The following MYO3B variants were observed in gnomAD, a reference collection of about 807,000 sequenced individuals.
MYO3B encodes the protein myosin IIIB, also known as myosin-IIIb.
In MYO3B, 156 loss-of-function variants were observed where a neutral mutation model predicts 174.6. The ratio of observed to expected loss-of-function variants is 0.89; its 90% CI spans 0.78 to 1.02. MYO3B has a LOEUF of 1.02. Ranked by LOEUF, MYO3B falls within the 50% of genes least tolerant of loss-of-function variation. The pLI, the probability that MYO3B is intolerant of heterozygous loss-of-function variation, is 0.00. For missense variants in MYO3B, 1,632 were observed against 1,639.4 expected (o/e 1.00, Z 0.08); for synonymous variants, 563 against 569.1 (o/e 0.99, Z 0.15).
intron 9 of MYO3B, among the ~76,000 whole-genome samples, chr2:170,376,355 C>T (rs1179331375): frequency 6.6e-6 from 1 of 152,130 alleles, no homozygotes; most frequent in Non-Finnish European, 1.5e-5. Flanking sequence ...CTTTCATTGG[C>T]TCTGTTATCA....
chr2:170,270,735 G>A (rs769284974), intron 7 of MYO3B, among the ~76,000 whole-genome samples: 2 of 152,178 alleles, frequency 1.3e-5, no homozygotes, highest in Non-Finnish European at 2.9e-5. Context: ...AGGAGAGGAC[G>A]TAGCAGGGTT....
At chr2:170,300,216 G>A (rs2093657110) in intron 7 of MYO3B, among the ~76,000 whole-genome samples, 1 of 152,168 alleles carries the variant, frequency 6.6e-6, no homozygotes, top group Non-Finnish European at 1.5e-5. Flanking sequence ...CCAAAGAAAT[G>A]TGAGTGGAAA....
At chr2:170,538,663 A>G (rs1211297624) in intron 30 of MYO3B, among the ~76,000 whole-genome samples, 1 of 152,216 alleles carries the variant, frequency 6.6e-6, no homozygotes, top group Non-Finnish European at 1.5e-5. Context: ...TTCAGGACAG[A>G]TGCCCAGCAG....
At position 170,646,233 on chromosome 2, in the gene MYO3B, C is replaced by T. The variant is rs1171466359; in HGVS notation, c.3734-5395C>T. ...TTGCGGTGAGCCGAGATCACGCCAT[C>T]GCACTCCAGCCTGGGCAAGAAGAGC... On this transcript the variant is annotated intron_variant, in intron 32 of 34. Coordinates refer to ENST00000408978, the MANE Select transcript of MYO3B (RefSeq NM_138995.5). 6.7e-5 allele frequency among the ~76,000 whole-genome samples: 10 copies of T among 149,762 alleles called. No homozygotes were observed. In the East Asian group the frequency reaches 1.6e-3, roughly 24 times the overall value.
intron 6 of MYO3B, among the ~76,000 whole-genome samples, chr2:170,222,672 C>T (rs1253178496): frequency 3.9e-5 from 6 of 152,178 alleles, no homozygotes; most frequent in East Asian, 1.9e-4. Flanking sequence ...AGTATGACCT[C>T]ATCTGAATTC....
intron 22 of MYO3B, among the ~76,000 whole-genome samples, chr2:170,409,820 T>C (rs771928083): frequency 6.6e-6 from 1 of 152,242 alleles, no homozygotes; most frequent in Non-Finnish European, 1.5e-5. Context: ...CTTATGACAA[T>C]AGTTGCCCTC....
chr2:170,648,671 A>ATATAATATATAT (rs1698575383), intron 32 of MYO3B, among the ~76,000 whole-genome samples: 1 of 102,630 alleles, frequency 9.7e-6, no homozygotes, highest in Non-Finnish European at 2.0e-5. Flanking sequence ...ATTATATTCT[A>ATATAATATATAT]TATAATATAT....
intron 32 of MYO3B, among the ~76,000 whole-genome samples, chr2:170,611,293 A>T (rs1012171839): frequency 9.2e-5 from 14 of 152,170 alleles, no homozygotes; most frequent in African/African-American, 3.1e-4. Flanking sequence ...TTAACCCATG[A>T]TTGGGGTAAT....
chr2:170,234,180 AAAAAAAACAAAAC>A (rs1409237162), intron 6 of MYO3B, among the ~76,000 whole-genome samples: 5 of 70,390 alleles, frequency 7.1e-5, no homozygotes, highest in African/African-American at 3.3e-4. Flanking sequence ...CAAAAAAAAA[AAAAAAAACAAAAC>A]AAAACAAAAA....
chr2:170,421,491 C>T (rs998934242), intron 22 of MYO3B, among the ~76,000 whole-genome samples: 1 of 152,190 alleles, frequency 6.6e-6, no homozygotes, highest in African/African-American at 2.4e-5. Context: ...TACAACTTCC[C>T]TCTTGGAACG....
chr2:170,476,585 C>A (rs1157431766), intron 25 of MYO3B, among the ~76,000 whole-genome samples: 1 of 152,006 alleles, frequency 6.6e-6, no homozygotes, highest in Non-Finnish European at 1.5e-5. Flanking sequence ...TAGCAGAACT[C>A]CTCTCAGCCT....
intron 8 of MYO3B, chr2:170,351,160 G>A (rs2094064652): frequency 6.6e-6 from 1 of 152,196 alleles, no homozygotes; most frequent in African/African-American, 2.4e-5. Flanking sequence ...CAGCTGGGCT[G>A]AAGTCACAGG....
intron 9 of MYO3B, among the ~76,000 whole-genome samples, chr2:170,371,985 T>C (rs762904083): frequency 6.6e-6 from 1 of 150,394 alleles, no homozygotes; most frequent in Non-Finnish European, 1.5e-5. Flanking sequence ...AAATTAGCCG[T>C]GCATGGTGGC....
chr2:170,383,121 T>G lies in MYO3B; in HGVS notation c.1117T>G (p.Tyr373Asp). Residue 373 changes from tyrosine (Y) to aspartate (D), a missense_variant, in exon 11 of 35, where the codon TAC becomes GAC. Coordinates refer to ENST00000408978, the MANE Select transcript of MYO3B (RefSeq NM_138995.5). ...GAAACGTTATGCAGACTTGCTAATT[T>G]ACACATATGTTGGAGACATCTTAAT... ...LQKRYADLLI[Y>D]TYVGDILIAL... 2 of 1,613,430 alleles carry G rather than the reference T, an allele frequency of 1.2e-6. No homozygotes were observed.
In MYO3B at chr2:170,369,241, G is replaced by A. The variant is rs1308154954; in HGVS notation, c.835G>A (p.Glu279Lys). 9 of 1,613,296 alleles carry A rather than the reference G, an allele frequency of 5.6e-6. No individual in the cohort carries two copies. Among genetic ancestry groups the A allele is most frequent in the Non-Finnish European group, 7.6e-6 (9 of 1,179,490 alleles). The stretch of plus-strand genomic sequence containing the variant: ...AAACAGGTGTCTTATTAAGGATTTT[G>A]AAAGGCGACCTTCCGTCACACATCT... ...FISQCLIKDF[E>K]RRPSVTHLLD... Residue 279 changes from glutamate (E) to lysine (K), a missense_variant, in exon 9 of 35, where the codon GAA (glutamate) becomes AAA (lysine). Coordinates refer to ENST00000408978, the MANE Select transcript of MYO3B (RefSeq NM_138995.5).
chr2:170,391,091 A>G (rs899889190), intron 14 of MYO3B, among the ~76,000 whole-genome samples: 3 of 152,098 alleles, frequency 2.0e-5, no homozygotes, highest in Admixed American at 6.5e-5. Flanking sequence ...TTCTGGACCA[A>G]TTCTGCTCCC....
chr2:170,538,157 G>A (rs918563178), intron 30 of MYO3B, among the ~76,000 whole-genome samples: 2 of 152,124 alleles, frequency 1.3e-5, no homozygotes, highest in African/African-American at 4.8e-5. Flanking sequence ...AATAGAAAAA[G>A]CCAGTTACTA....
intron 8 of MYO3B, among the ~76,000 whole-genome samples, chr2:170,368,877 C>T (rs1188530980): frequency 1.3e-5 from 2 of 152,174 alleles, no homozygotes; most frequent in Non-Finnish European, 2.9e-5. Context: ...TACAAATCAA[C>T]TTGACTCCAC....
rs181874536 is a variant in MYO3B, at chr2:170,523,649, C to T, written c.3575+4109C>T. Among the ~76,000 whole-genome samples the T allele has an allele frequency of 2.6e-5, 4 of 152,318 alleles. No individual in the cohort carries two copies. In the East Asian group the frequency reaches 7.7e-4, roughly 29 times the overall value. ...GGAATGTCAGCAAAGACACAGGCCC[C>T]TTGCATCTCTTTGCTTTGCTGTTCT... is the stretch of plus-strand genomic sequence containing the variant. On this transcript the variant is annotated intron_variant, in intron 30 of 34. Transcript: ENST00000408978.
Sources: gnomAD v4.1 joint callset for allele counts (sites outside exome capture counted in the v4.1 genomes callset) on GRCh38, gnomAD v4.1.1 for gene constraint, MANE v1.5 for transcripts, NCBI Gene and HGNC (gene_info 2026-07-23, HGNC 2026-07-21) for gene names.